PRELID2: variants seen among roughly 807,000 people sequenced by gnomAD.
PRELID2 encodes the protein PRELI domain containing 2, also known as PRELI domain-containing protein 2.
PRELID2 carries 25 observed loss-of-function variants against 28.4 expected under a neutral mutation model. That is an observed-to-expected ratio of 0.88 (90% CI 0.64 to 1.23). PRELID2 has a LOEUF of 1.23. PRELID2 is among the 50% of genes most tolerant of loss of function. The pLI is 0.00. For missense variants in PRELID2, 201 were observed against 214.4 expected, an observed-to-expected ratio of 0.94 and a Z score of 0.39; for synonymous variants, 76 against 71.6, an observed-to-expected ratio of 1.06 and a Z score of -0.31.
the PRELID2 span, among the ~76,000 whole-genome samples, chr5:145,334,480 A>G: frequency 2.7e-4 from 41 of 152,308 alleles, no homozygotes; most frequent in African/African-American, 9.6e-4. Context: ...CTTGTATACT[A>G]TAGTTAAAAG....
chr5:145,384,777 G>A, the PRELID2 span, among the ~76,000 whole-genome samples: 22 of 152,146 alleles, frequency 1.4e-4, no homozygotes, highest in African/African-American at 5.1e-4. Flanking sequence ...GCAGGAGGCA[G>A]AGAAAGACAG....
At chr5:145,581,610 T>A (rs975635484) in intron 1 of PRELID2, among the ~76,000 whole-genome samples, 1 of 152,052 alleles carries the variant, frequency 6.6e-6, no homozygotes, top group Non-Finnish European at 1.5e-5. Flanking sequence ...TTTAATTCCA[T>A]CCATGTGAAC....
the PRELID2 span, among the ~76,000 whole-genome samples, chr5:145,311,222 C>G: frequency 6.6e-6 from 1 of 152,148 alleles, no homozygotes; most frequent in Non-Finnish European, 1.5e-5. Flanking sequence ...TCCATGCTAC[C>G]ATCTCACACA....
the PRELID2 span, among the ~76,000 whole-genome samples, chr5:145,407,399 A>T: frequency 4.6e-5 from 7 of 152,126 alleles, no homozygotes; most frequent in Non-Finnish European, 8.8e-5. Context: ...CCCCCTGGGA[A>T]CATAACTCCA....
At chr5:145,480,859 T>C (rs1752152511) in intron 1 of PRELID2, among the ~76,000 whole-genome samples, 3 of 152,238 alleles carry the variant, frequency 2.0e-5, no homozygotes, top group Admixed American at 1.3e-4. Flanking sequence ...TAGTAAGTAT[T>C]CATTAAATGT....
chr5:145,334,593 T>C, the PRELID2 span, among the ~76,000 whole-genome samples: 8 of 152,300 alleles, frequency 5.3e-5, no homozygotes, highest in Middle Eastern at 6.8e-3. Flanking sequence ...AATACTCCCA[T>C]AGGTTTTTAC....
the PRELID2 span, among the ~76,000 whole-genome samples, chr5:145,337,050 C>A: frequency 6.6e-6 from 1 of 151,100 alleles, no homozygotes; most frequent in African/African-American, 2.4e-5. Context: ...CAGCATTGCA[C>A]ATGTATACAT....
the PRELID2 span, among the ~76,000 whole-genome samples, chr5:145,437,598 A>G: frequency 6.6e-6 from 1 of 152,124 alleles, no homozygotes; most frequent in East Asian, 1.9e-4. Flanking sequence ...GAGGGATCTT[A>G]CTTTAGCTCA....
the PRELID2 span, among the ~76,000 whole-genome samples, chr5:145,437,656 G>A: frequency 5.9e-5 from 9 of 152,048 alleles, no homozygotes; most frequent in Non-Finnish European, 8.8e-5. Flanking sequence ...ATGACTCTTC[G>A]TGTAGCTGAC....
chr5:145,545,759 G>T (rs189025926), intron 1 of PRELID2, among the ~76,000 whole-genome samples: 36 of 152,272 alleles, frequency 2.4e-4, no homozygotes, highest in Middle Eastern at 3.4e-3. Flanking sequence ...AGCTACTCTG[G>T]TTCTCACGTC....
At position 145,789,034 on chromosome 5, in the gene PRELID2, A is replaced by G. The variant is rs561583111; in HGVS notation, c.474+7408T>C. 2.0e-5 allele frequency among the ~76,000 whole-genome samples: 3 copies of G among 152,320 alleles called. No individual in the cohort carries two copies. The East Asian group carries it at 5.8e-4, about 29-fold the overall frequency. On this transcript the variant is annotated intron_variant, in intron 5 of 6. Coordinates refer to ENST00000683046, the MANE Select transcript of PRELID2 (RefSeq NM_205846.3). ...AAATGGAAAGACATCCCATGATCAT[A>G]GCTTGAAAGAATTAATATTGCTAAC...
intron 1 of PRELID2, among the ~76,000 whole-genome samples, chr5:145,650,844 G>A (rs552836768): frequency 4.1e-4 from 63 of 152,062 alleles, no homozygotes; most frequent in African/African-American, 1.2e-3. Context: ...TGCAGAAGAC[G>A]GATAATTTCT....
intron 1 of PRELID2, among the ~76,000 whole-genome samples, chr5:145,592,461 C>CACACACATACAT: frequency 6.9e-6 from 1 of 143,922 alleles, no homozygotes; most frequent in East Asian, 2.0e-4. Flanking sequence ...TATAAATATA[C>CACACACATACAT]ACACACATAC....
chr5:145,737,677 G>C (rs900119005), intron 1 of PRELID2, among the ~76,000 whole-genome samples: 1 of 152,114 alleles, frequency 6.6e-6, no homozygotes, highest in Non-Finnish European at 1.5e-5. Context: ...ATGTTTAGAA[G>C]ATAACCTCTG....
chr5:145,471,663 T>C (rs896124371), downstream of PRELID2: 1 of 152,146 alleles, frequency 6.6e-6, no homozygotes, highest in African/African-American at 2.4e-5. Flanking sequence ...TATCGGTGTA[T>C]ATATTGAATA....
chr5:145,298,077 T>C, the PRELID2 span, among the ~76,000 whole-genome samples: 1 of 152,114 alleles, frequency 6.6e-6, no homozygotes, highest in East Asian at 1.9e-4. Flanking sequence ...GCCATCCCCA[T>C]CAAGCTACCA....
chr5:145,465,018 A>G, the PRELID2 span, among the ~76,000 whole-genome samples: 3 of 152,164 alleles, frequency 2.0e-5, no homozygotes, highest in African/African-American at 7.2e-5. Context: ...AACGGGTTAG[A>G]ATTGGGAAAG....
the PRELID2 span, among the ~76,000 whole-genome samples, chr5:145,382,449 AAGAT>A: frequency 4.6e-5 from 7 of 152,048 alleles, no homozygotes; most frequent in Admixed American, 6.5e-5. Flanking sequence ...ATTTCTGAAA[AAGAT>A]AATAAGAAAA....
At chr5:145,381,439 A>G in the PRELID2 span, 1 of 152,212 alleles carries the variant, frequency 6.6e-6, no homozygotes, top group African/African-American at 2.4e-5. Flanking sequence ...GGCAAAAACC[A>G]CAATTAGTTT....
Sources: gnomAD v4.1 joint callset for allele counts (sites outside exome capture counted in the v4.1 genomes callset) on GRCh38, gnomAD v4.1.1 for gene constraint, MANE v1.5 for transcripts, NCBI Gene and HGNC (gene_info 2026-07-23, HGNC 2026-07-21) for gene names.